PDZD2: variants seen among roughly 807,000 people sequenced by gnomAD.
PDZD2 encodes the protein PDZ domain containing 2.
Under a neutral mutation model 220.7 loss-of-function variants are expected in PDZD2, and 90 were observed. That is an observed-to-expected ratio of 0.41 (90% CI 0.34 to 0.49). The LOEUF is 0.49. Ranked by LOEUF, PDZD2 falls within the 20% of genes least tolerant of loss-of-function variation. The pLI is 0.28. For missense variants in PDZD2, 3,174 were observed against 3,608.5 expected, an observed-to-expected ratio of 0.88 and a Z score of 3.08; for synonymous variants, 1,375 against 1,450.5, an observed-to-expected ratio of 0.95 and a Z score of 1.18.
chr5:31,747,978 C>T (rs1443880126), intron 1 of PDZD2: 1 of 152,192 alleles, frequency 6.6e-6, no homozygotes, highest in Non-Finnish European at 1.5e-5. Flanking sequence ...TACTTGTGTT[C>T]CCAAGAAGGT....
At chr5:31,973,308 A>T (rs1035534836) in intron 2 of PDZD2, among the ~76,000 whole-genome samples, 1 of 152,220 alleles carries the variant, frequency 6.6e-6, no homozygotes, top group African/African-American at 2.4e-5. Context: ...TAAGTCATTC[A>T]TGATAGTTCG....
chr5:32,100,932 A>G, intron 23 of PDZD2, 173 bp from the exon 24 acceptor site: 3 of 1,598,146 alleles, frequency 1.9e-6, no homozygotes, highest in Non-Finnish European at 2.5e-6. Flanking sequence ...TTGGGAGGCC[A>G]ACAGTGCTAC....
rs1581283243 is a variant in PDZD2 at position 32,016,428 on chromosome 5, A to G, written c.1407+5946A>G. The stretch of plus-strand genomic sequence containing the variant: ...TTGAACTTAGAGTCTAATACAAAGA[A>G]CAATGAATACCAAGGGTGTAAACCT... On this transcript the variant is annotated intron_variant, in intron 6 of 24. Transcript: ENST00000438447. Among the ~76,000 whole-genome samples, 6 of 152,334 alleles carry G rather than the reference A, an allele frequency of 3.9e-5. No homozygotes were observed. The South Asian group carries it at 1.2e-3, about 32-fold the overall frequency.
At chr5:31,797,536 T>C (rs949961415) in intron 1 of PDZD2, among the ~76,000 whole-genome samples, 2 of 151,970 alleles carry the variant, frequency 1.3e-5, no homozygotes, top group East Asian at 3.9e-4. Context: ...GGTTTCACCA[T>C]GTTGGCCAGA....
chr5:31,816,721 A>T (rs1755481821), intron 2 of PDZD2, among the ~76,000 whole-genome samples: 1 of 152,222 alleles, frequency 6.6e-6, no homozygotes, highest in Admixed American at 6.5e-5. Flanking sequence ...TGCAAGAAAA[A>T]TTTGACAAAA....
chr5:31,992,460 C>G (rs190145715), intron 3 of PDZD2, among the ~76,000 whole-genome samples: 69 of 152,026 alleles, frequency 4.5e-4, no homozygotes, highest in African/African-American at 1.6e-3. Flanking sequence ...TACATTTGAG[C>G]TGATATTGTA....
At chr5:31,709,635 C>T (rs1177019430) in intron 1 of PDZD2, among the ~76,000 whole-genome samples, 1 of 152,328 alleles carries the variant, frequency 6.6e-6, no homozygotes, top group Non-Finnish European at 1.5e-5. Flanking sequence ...CTTTACCAAG[C>T]TTCCTTCAGT....
intron 7 of PDZD2, among the ~76,000 whole-genome samples, chr5:32,045,077 T>C (rs1737798010): frequency 6.6e-6 from 1 of 152,262 alleles, no homozygotes; most frequent in African/African-American, 2.4e-5. Context: ...GTGGTTTCTC[T>C]TCTGTTGATG....
chr5:32,086,654 G>C (rs182516307), intron 19 of PDZD2, among the ~76,000 whole-genome samples: 2 of 148,488 alleles, frequency 1.3e-5, no homozygotes, highest in East Asian at 2.0e-4. Context: ...TTAGGCCACA[G>C]AACGCCGTTT....
intron 1 of PDZD2, among the ~76,000 whole-genome samples, chr5:31,655,163 A>T (rs253938): frequency 0.94 from 142,547 of 152,198 alleles, 66,962 homozygotes; most frequent in East Asian, 1. Flanking sequence ...ACATTATCAG[A>T]TTTTTGTTTT....
At chr5:31,645,286 G>A (rs1358444970) in intron 1 of PDZD2, among the ~76,000 whole-genome samples, 2 of 150,222 alleles carry the variant, frequency 1.3e-5, no homozygotes, top group Non-Finnish European at 3.0e-5. Context: ...TCTTTGAGGT[G>A]TTTTAGCAGG....
Position 31,660,495 on chromosome 5 carries a change from C to G in PDZD2, c.-361+21058C>G, listed in dbSNP as rs6862594. On this transcript the variant is annotated intron_variant, in intron 1 of 24. Transcript: ENST00000438447. ...GGGAAGGCCTCAGGAAATTTACAATCAAGGCAGAAGGGGAAGCAAACATGT... is the reference window on the plus strand; with the variant it reads ...GGGAAGGCCTCAGGAAATTTACAATGAAGGCAGAAGGGGAAGCAAACATGT... 4.2e-3 allele frequency among the ~76,000 whole-genome samples: 641 copies of G among 152,220 alleles called. 8 individuals are homozygous for G. The highest frequency in any genetic ancestry group is 0.015 in the African/African-American group (628 of 41,522).
At chr5:31,782,359 AT>A (rs1220254491) in intron 1 of PDZD2, among the ~76,000 whole-genome samples, 2 of 152,190 alleles carry the variant, frequency 1.3e-5, no homozygotes, top group Non-Finnish European at 2.9e-5. Flanking sequence ...TCAGAAATTC[AT>A]TTTTAACTGG....
intron 7 of PDZD2, among the ~76,000 whole-genome samples, chr5:32,044,777 T>A (rs1163983345): frequency 1.3e-5 from 2 of 152,082 alleles, no homozygotes; most frequent in African/African-American, 2.4e-5. Flanking sequence ...TGCTCCGCAG[T>A]TTTGGAAAGA....
At chr5:31,690,398 T>C (rs886900754) in intron 1 of PDZD2, among the ~76,000 whole-genome samples, 19 of 152,234 alleles carry the variant, frequency 1.2e-4, no homozygotes, top group Middle Eastern at 3.4e-3. Flanking sequence ...GTCAGGATGG[T>C]GTCCTGGGCA....
chr5:31,723,149 G>C (rs544421326), intron 1 of PDZD2, among the ~76,000 whole-genome samples: 1 of 152,304 alleles, frequency 6.6e-6, no homozygotes, highest in South Asian at 2.1e-4. Flanking sequence ...AAAGATTCTA[G>C]AGTCAATCCT....
At chr5:32,079,269 C>CAAAAAAAAAAAA (rs796887034) in intron 19 of PDZD2, among the ~76,000 whole-genome samples, 1 of 82,812 alleles carries the variant, frequency 1.2e-5, no homozygotes, top group African/African-American at 5.4e-5. Context: ...AAAAAAAAAA[C>CAAAAAAAAAAAA]AAAAAAAAAA....
chr5:31,962,340 C>G (rs1322863141), intron 2 of PDZD2, among the ~76,000 whole-genome samples: 1 of 152,136 alleles, frequency 6.6e-6, no homozygotes, highest in Non-Finnish European at 1.5e-5. Flanking sequence ...CTTTTGAGAA[C>G]AGGTGGTGCC....
In PDZD2 at chr5:32,079,785, T is replaced by G. The variant is rs1489735420; in HGVS notation, c.3682+2179T>G. Among the ~76,000 whole-genome samples, 5 of 151,886 alleles carry G rather than the reference T, an allele frequency of 3.3e-5. No individual in the cohort carries two copies. The East Asian group carries it at 9.8e-4, about 30-fold the overall frequency. ...GAGATCGAGCCATTGCACTCCAGCC[T>G]GGGCAAAAAGAGCGAGACTCCGTCT... On this transcript the variant is annotated intron_variant, in intron 19 of 24. Transcript: ENST00000438447.
Sources: allele counts gnomAD v4.1 joint callset (sites outside exome capture counted in the v4.1 genomes callset), GRCh38; gene constraint gnomAD v4.1.1; transcripts MANE v1.5; gene names NCBI Gene and HGNC (gene_info 2026-07-23, HGNC 2026-07-21).